Variants in CLIC5 observed in about 807,000 individuals in gnomAD.
CLIC5 encodes chloride intracellular channel protein 5.
CLIC5 carries 20 observed loss-of-function variants against 24.7 expected under a neutral mutation model. The observed-to-expected ratio is 0.81, with a 90% CI of 0.57 to 1.18. The LOEUF (loss-of-function observed/expected upper bound fraction) is 1.18, where lower values mean the gene tolerates loss of function less well. Ranked by LOEUF, CLIC5 falls within the 50% of genes most tolerant of loss-of-function variation. The pLI is 0.00. For synonymous variants in CLIC5, 159 were observed against 135.6 expected (o/e 1.17, Z -1.20); for missense variants, 341 against 326.1 (o/e 1.05, Z -0.35).
Position 45,955,218 on chromosome 6 carries a change from G to C in CLIC5, c.90C>G (p.Gly30=), listed in dbSNP as rs1485995979. Residue 30 remains glycine (G), a synonymous_variant, in exon 2 of 6, where the codon GGC becomes GGG. Transcript: ENST00000339561. ...AGAGGCGCTGAGAGAAAGGACAGTT[G>C]CCGATGCTTTCTCCATCGATTCCAG... ...VKAGIDGESI[G]NCPFSQRLFM... 1.2e-6 allele frequency: 2 copies of C among 1,613,772 alleles called. No individual in the cohort carries two copies. Among genetic ancestry groups the C allele is most frequent in the African/African-American group, 2.7e-5 (2 of 74,916 alleles).
chr6:46,105,673 C>G, the CLIC5 span, among the ~76,000 whole-genome samples: 2 of 152,152 alleles, frequency 1.3e-5, no homozygotes, highest in Non-Finnish European at 1.5e-5. Flanking sequence ...TGTGGAGTTT[C>G]AGGAGTCACA....
At chr6:46,078,293 A>G (rs997741156) in intron 1 of CLIC5, among the ~76,000 whole-genome samples, 2 of 152,080 alleles carry the variant, frequency 1.3e-5, no homozygotes, top group Non-Finnish European at 2.9e-5. Context: ...CTGGGAGGTG[A>G]AAGTTGCAGT....
At chr6:46,026,329 T>C (rs1471603753) in intron 1 of CLIC5, among the ~76,000 whole-genome samples, 2 of 152,162 alleles carry the variant, frequency 1.3e-5, no homozygotes, top group Admixed American at 6.5e-5. Flanking sequence ...CATCCTTATA[T>C]ATGCATCGCT....
chr6:46,035,611 C>G (rs189331945), intron 1 of CLIC5, among the ~76,000 whole-genome samples: 82 of 152,378 alleles, frequency 5.4e-4, no homozygotes, highest in Non-Finnish European at 8.1e-4. Flanking sequence ...TGGGCTCTCA[C>G]TTTGGTCATT....
chr6:45,999,732 GTTTTTT>G lies in CLIC5; in HGVS notation c.63+15742_63+15747del, dbSNP rs1201850451. ...GTAAATCTATTTTCTCTTCCTTGTGGTTTTTTTTTTTTTTTTTTTTTTTTGAGACGG... is the reference window on the plus strand; with the variant it reads ...GTAAATCTATTTTCTCTTCCTTGTGGTTTTTTTTTTTTTTTTTTGAGACGG... On this transcript the variant is annotated intron_variant, in intron 1 of 5. Transcript: ENST00000339561. 8.1e-4 allele frequency among the ~76,000 whole-genome samples: 41 copies of G among 50,850 alleles called. 10 individuals carry two copies. The South Asian group carries it at 0.044, about 54-fold the overall frequency. 33.4% of individuals were successfully genotyped at this position (50,850 alleles called of 152,430 possible).
chr6:45,892,964 G>A (rs1762366017), intron 6 of CLIC5, among the ~76,000 whole-genome samples: 1 of 152,100 alleles, frequency 6.6e-6, no homozygotes, highest in Admixed American at 6.6e-5. Context: ...AGTCTCCAGT[G>A]GGCAGTTTAC....
At chr6:45,942,241 G>A (rs2127368995) in intron 3 of CLIC5, among the ~76,000 whole-genome samples, 1 of 152,280 alleles carries the variant, frequency 6.6e-6, no homozygotes, top group African/African-American at 2.4e-5. Flanking sequence ...TCCAAAAAAG[G>A]ACATGTGTTT....
At chr6:45,882,898 G>C (rs1360993902) in intron 6 of CLIC5, among the ~76,000 whole-genome samples, 1 of 152,178 alleles carries the variant, frequency 6.6e-6, no homozygotes, top group Non-Finnish European at 1.5e-5. Flanking sequence ...AAGACTAGAA[G>C]AGTATTGAAA....
At chr6:45,985,838 G>A (rs1205375410) in intron 1 of CLIC5, among the ~76,000 whole-genome samples, 1 of 152,046 alleles carries the variant, frequency 6.6e-6, no homozygotes, top group Non-Finnish European at 1.5e-5. Context: ...ATCTCTTGTT[G>A]GTGCCTGATG....
intron 5 of CLIC5, chr6:45,912,734 T>G (rs757069999): frequency 6.5e-7 from 1 of 1,533,500 alleles, no homozygotes; most frequent in Admixed American, 2.0e-5. Context: ...TCAGTGGTAC[T>G]TGTTCCTAAG....
chr6:46,067,881 C>T (rs1762486434), intron 1 of CLIC5, among the ~76,000 whole-genome samples: 1 of 152,114 alleles, frequency 6.6e-6, no homozygotes, highest in South Asian at 2.1e-4. Flanking sequence ...TTCCTTCAGA[C>T]AGTAGTGGGT....
chr6:45,988,598 TA>T, intron 1 of CLIC5, among the ~76,000 whole-genome samples: 1 of 152,334 alleles, frequency 6.6e-6, no homozygotes, highest in African/African-American at 2.4e-5. Context: ...TACTTGCCAT[TA>T]AAAAACCTGA....
chr6:46,063,367 G>A (rs1762347539), intron 1 of CLIC5, among the ~76,000 whole-genome samples: 1 of 152,164 alleles, frequency 6.6e-6, no homozygotes, highest in Non-Finnish European at 1.5e-5. Flanking sequence ...AAATACAACA[G>A]TACCAACAGA....
intron 3 of CLIC5, among the ~76,000 whole-genome samples, chr6:45,942,161 G>A (rs1049653971): frequency 2.0e-5 from 3 of 152,124 alleles, no homozygotes; most frequent in Non-Finnish European, 4.4e-5. Context: ...GAATACCCAC[G>A]GTCCTCTTCT....
At chr6:46,107,869 C>T in the CLIC5 span, among the ~76,000 whole-genome samples, 3 of 151,938 alleles carry the variant, frequency 2.0e-5, no homozygotes, top group Non-Finnish European at 4.4e-5. Context: ...AACCCTGTCT[C>T]TACTAAAAAT....
At chr6:45,881,789 C>T (rs1762264819) in intron 6 of CLIC5, among the ~76,000 whole-genome samples, 2 of 152,068 alleles carry the variant, frequency 1.3e-5, no homozygotes, top group Non-Finnish European at 2.9e-5. Flanking sequence ...CTGTAAGTGT[C>T]CTTCCACCCC....
At chr6:45,993,962 A>T (rs531180618) in intron 1 of CLIC5, among the ~76,000 whole-genome samples, 1 of 152,336 alleles carries the variant, frequency 6.6e-6, no homozygotes, top group South Asian at 2.1e-4. Context: ...ATTTTAAGAA[A>T]GTTCTTTGAT....
At chr6:46,106,991 C>T in the CLIC5 span, among the ~76,000 whole-genome samples, 3 of 152,040 alleles carry the variant, frequency 2.0e-5, no homozygotes, top group Admixed American at 6.5e-5. Context: ...TTTATATATA[C>T]GTGGGTACAC....
chr6:45,909,584 A>G (rs1454628186), intron 5 of CLIC5, among the ~76,000 whole-genome samples: 1 of 152,190 alleles, frequency 6.6e-6, no homozygotes. Flanking sequence ...TCTTTCTTTA[A>G]GAATGCTGAA....
Sources: gnomAD v4.1 joint callset for allele counts (sites outside exome capture counted in the v4.1 genomes callset) on GRCh38, gnomAD v4.1.1 for gene constraint, MANE v1.5 for transcripts, NCBI Gene and HGNC (gene_info 2026-07-23, HGNC 2026-07-21) for gene names.